The following GNB4 variants were observed in gnomAD, a reference collection of about 807,000 sequenced individuals.
GNB4 encodes guanine nucleotide-binding protein subunit beta-4.
GNB4 carries 28 observed loss-of-function variants against 45.2 expected under a neutral mutation model. The ratio of observed to expected loss-of-function variants is 0.62; its 90% CI spans 0.46 to 0.85. GNB4 has a LOEUF of 0.85. GNB4 is among the 40% of genes least tolerant of loss of function. The probability of loss-of-function intolerance (pLI) is 0.00; values close to 1 mark genes in which losing one functional copy is unlikely to be tolerated. For missense variants in GNB4, 321 were observed against 425.4 expected (o/e 0.75, Z 2.16); for synonymous variants, 132 against 143.7 (o/e 0.92, Z 0.58).
the GNB4 span, among the ~76,000 whole-genome samples, chr3:179,459,895 C>T: frequency 6.6e-6 from 1 of 152,178 alleles, no homozygotes; most frequent in East Asian, 1.9e-4. Flanking sequence ...TTAACCATCC[C>T]ATCCTCACCC....
At chr3:179,404,765 T>C (rs939865251) in intron 9 of GNB4, among the ~76,000 whole-genome samples, 2 of 152,184 alleles carry the variant, frequency 1.3e-5, no homozygotes, top group African/African-American at 4.8e-5. Flanking sequence ...TGTCATCTTG[T>C]AGAAGCTGCA....
the GNB4 span, among the ~76,000 whole-genome samples, chr3:179,482,205 T>C: frequency 8.9e-3 from 1,352 of 152,310 alleles, 32 homozygotes; most frequent in African/African-American, 0.031. Flanking sequence ...CTGCTTCTTT[T>C]AAAAATCAAG....
the GNB4 span, among the ~76,000 whole-genome samples, chr3:179,499,506 G>T: frequency 6.6e-6 from 1 of 152,200 alleles, no homozygotes; most frequent in South Asian, 2.1e-4. Context: ...GGGCATTTGG[G>T]CTGGTTCTAA....
At chr3:179,499,064 G>A in the GNB4 span, among the ~76,000 whole-genome samples, 21 of 151,604 alleles carry the variant, frequency 1.4e-4, no homozygotes, top group South Asian at 2.7e-3. Context: ...GGTTTCCAGC[G>A]TCATCCGTGT....
At chr3:179,489,005 AAAAAAAAAAAAAAAATAT>A in the GNB4 span, among the ~76,000 whole-genome samples, 72 of 38,236 alleles carry the variant, frequency 1.9e-3, 4 homozygotes, top group African/African-American at 7.6e-3. Context: ...AAAAAAAAAA[AAAAAAAAAAAAAAAATAT>A]ATATATATAT....
chr3:179,522,976 G>A, the GNB4 span, among the ~76,000 whole-genome samples: 1 of 150,704 alleles, frequency 6.6e-6, no homozygotes, highest in African/African-American at 2.5e-5. Flanking sequence ...AGCTTTTAGG[G>A]CTGTTTTTAA....
intron 9 of GNB4, among the ~76,000 whole-genome samples, chr3:179,403,232 T>G (rs1369025369): frequency 6.6e-6 from 1 of 151,908 alleles, no homozygotes; most frequent in Admixed American, 6.6e-5. Context: ...GCCTCGCTCT[T>G]AAGTATGAAT....
intron 3 of GNB4, among the ~76,000 whole-genome samples, chr3:179,419,846 A>G (rs1577031265): frequency 6.6e-6 from 1 of 152,106 alleles, no homozygotes; most frequent in East Asian, 1.9e-4. Context: ...ATCACAGTAA[A>G]CATTTACAAT....
At chr3:179,471,660 A>G in the GNB4 span, among the ~76,000 whole-genome samples, 1 of 152,190 alleles carries the variant, frequency 6.6e-6, no homozygotes, top group Non-Finnish European at 1.5e-5. Context: ...CTCAGAATGT[A>G]TCCCTATCGT....
At chr3:179,489,110 C>A in the GNB4 span, among the ~76,000 whole-genome samples, 12 of 133,788 alleles carry the variant, frequency 9.0e-5, no homozygotes, top group Middle Eastern at 4.5e-3. Flanking sequence ...ATCAGAAAAT[C>A]ACTATGAATT....
chr3:179,438,770 T>C (rs543893971), intron 1 of GNB4, among the ~76,000 whole-genome samples: 20 of 152,264 alleles, frequency 1.3e-4, no homozygotes, highest in Admixed American at 3.3e-4. Flanking sequence ...GACTCTCCTA[T>C]TGAGGGGTAG....
At chr3:179,523,058 A>G in the GNB4 span, among the ~76,000 whole-genome samples, 1 of 152,162 alleles carries the variant, frequency 6.6e-6, no homozygotes, top group Non-Finnish European at 1.5e-5. Flanking sequence ...GTGAGTTCAT[A>G]TAATGGTTTA....
the GNB4 span, among the ~76,000 whole-genome samples, chr3:179,515,403 G>C: frequency 6.6e-6 from 1 of 152,184 alleles, no homozygotes; most frequent in South Asian, 2.1e-4. Flanking sequence ...TCCAAAAAGA[G>C]TCAGTGAAGG....
chr3:179,465,798 TCTTCTTC>T, the GNB4 span, among the ~76,000 whole-genome samples: 1 of 139,176 alleles, frequency 7.2e-6, no homozygotes, highest in Non-Finnish European at 1.5e-5. Flanking sequence ...ATAATTTTTT[TCTTCTTC>T]TTCTTCTTCT....
intron 5 of GNB4, among the ~76,000 whole-genome samples, 196 bp downstream of exon 5, chr3:179,416,297 T>C (rs563350187): frequency 1.3e-5 from 2 of 152,254 alleles, no homozygotes; most frequent in South Asian, 2.1e-4. Flanking sequence ...TAGTAAAACA[T>C]AGAGTCATCT....
the GNB4 span, among the ~76,000 whole-genome samples, chr3:179,492,358 C>T: frequency 1.3e-4 from 20 of 152,288 alleles, no homozygotes; most frequent in South Asian, 1.2e-3. Context: ...TGTGATACTA[C>T]ACCACCCATG....
At chr3:179,458,258 A>T in the GNB4 span, among the ~76,000 whole-genome samples, 35 of 152,052 alleles carry the variant, frequency 2.3e-4, no homozygotes, top group African/African-American at 7.7e-4. Flanking sequence ...CTACCACTTC[A>T]CCATCCAAAT....
intron 1 of GNB4, among the ~76,000 whole-genome samples, chr3:179,442,035 G>C (rs896425481): frequency 1.3e-5 from 2 of 152,138 alleles, no homozygotes; most frequent in African/African-American, 4.8e-5. Flanking sequence ...TCAAACTCCT[G>C]ACCTCAGGTG....
the GNB4 span, among the ~76,000 whole-genome samples, chr3:179,504,652 T>C: frequency 6.6e-6 from 1 of 152,176 alleles, no homozygotes; most frequent in Non-Finnish European, 1.5e-5. Context: ...CAGATAAGAC[T>C]AAAGATAAGA....
Sources: allele counts gnomAD v4.1 joint callset (sites outside exome capture counted in the v4.1 genomes callset), GRCh38; gene constraint gnomAD v4.1.1; transcripts MANE v1.5; gene names NCBI Gene and HGNC (gene_info 2026-07-23, HGNC 2026-07-21).